The following ZMAT4 variants were observed in gnomAD, a reference collection of about 807,000 sequenced individuals.
ZMAT4 encodes zinc finger matrin-type protein 4.
A neutral mutation model predicts 28.7 loss-of-function variants in ZMAT4; 17 were observed. The observed-to-expected ratio is 0.59, with a 90% CI of 0.41 to 0.89. The LOEUF (loss-of-function observed/expected upper bound fraction) is 0.89, where lower values mean the gene tolerates loss of function less well. ZMAT4 is among the 40% of genes least tolerant of loss of function. ZMAT4 has a pLI of 0.00. For synonymous variants in ZMAT4, 117 were observed against 109.2 expected (o/e 1.07, Z -0.44); for missense variants, 240 against 283.8 (o/e 0.85, Z 1.11).
intron 1 of ZMAT4, among the ~76,000 whole-genome samples, chr8:40,864,226 A>T (rs1817600187): frequency 6.6e-6 from 1 of 152,248 alleles, no homozygotes; most frequent in Non-Finnish European, 1.5e-5. Flanking sequence ...AGCCACGAAA[A>T]TCAGCAGGAA....
chr8:40,568,915 T>C (rs1356693366), intron 6 of ZMAT4, among the ~76,000 whole-genome samples: 1 of 152,192 alleles, frequency 6.6e-6, no homozygotes, highest in African/African-American at 2.4e-5. Flanking sequence ...CACCATATCA[T>C]ATGTTGACGT....
intron 1 of ZMAT4, among the ~76,000 whole-genome samples, chr8:40,861,542 AG>A (rs1817493523): frequency 6.6e-6 from 1 of 152,250 alleles, no homozygotes; most frequent in African/African-American, 2.4e-5. Context: ...AAACACCAAA[AG>A]CAATGGCAAC....
In ZMAT4 at chr8:40,536,342, G is replaced by T. The variant is rs529292588; in HGVS notation, c.675-4104C>A. 2.0e-5 allele frequency among the ~76,000 whole-genome samples: 3 copies of T among 152,180 alleles called. No homozygotes were observed. The East Asian group carries it at 5.8e-4, about 29-fold the overall frequency. On this transcript the variant is annotated intron_variant, in intron 6 of 6. Coordinates refer to ENST00000297737, the MANE Select transcript of ZMAT4 (RefSeq NM_024645.3). ...TCCCCTGCCCCATGTCCTACTCCTG[G>T]TCTGTGGCATTGCACTAGTTTTCTA...
intron 3 of ZMAT4, among the ~76,000 whole-genome samples, chr8:40,708,572 TC>T (rs1680570668): frequency 3.1e-4 from 1 of 3,188 alleles, no homozygotes; most frequent in Non-Finnish European, 6.4e-4. Flanking sequence ...ACACACTCTT[TC>T]TCTCTCTCTC....
chr8:40,736,879 T>A (rs1282078836), intron 3 of ZMAT4, among the ~76,000 whole-genome samples: 4 of 149,730 alleles, frequency 2.7e-5, no homozygotes, highest in Non-Finnish European at 5.9e-5. Context: ...AAAATAGGGG[T>A]AAAAGTGAGA....
At chr8:40,627,430 G>C (rs1379854497) in intron 5 of ZMAT4, among the ~76,000 whole-genome samples, 3 of 152,082 alleles carry the variant, frequency 2.0e-5, no homozygotes, top group Admixed American at 2.0e-4. Flanking sequence ...ATACATATAT[G>C]TGTTCATGTG....
At chr8:40,666,067 T>C (rs907855381) in intron 5 of ZMAT4, among the ~76,000 whole-genome samples, 1 of 152,174 alleles carries the variant, frequency 6.6e-6, no homozygotes, top group African/African-American at 2.4e-5. Flanking sequence ...ATGATAAAGG[T>C]CTGCAAAATG....
chr8:40,751,279 C>T (rs1375381211), intron 3 of ZMAT4, among the ~76,000 whole-genome samples: 1 of 152,100 alleles, frequency 6.6e-6, no homozygotes, highest in Non-Finnish European at 1.5e-5. Context: ...GTTCTACAGG[C>T]TTTACAGGAA....
intron 1 of ZMAT4, among the ~76,000 whole-genome samples, chr8:40,830,306 A>T (rs188438059): frequency 1.8e-4 from 27 of 152,178 alleles, no homozygotes; most frequent in Non-Finnish European, 2.8e-4. Context: ...CCACTAGGTA[A>T]TGGTATAACC....
intron 3 of ZMAT4, among the ~76,000 whole-genome samples, chr8:40,762,097 A>G (rs1812965696): frequency 6.6e-6 from 1 of 152,190 alleles, no homozygotes; most frequent in Non-Finnish European, 1.5e-5. Flanking sequence ...AGACCACTTG[A>G]GAAGACAAGG....
chr8:40,861,008 G>A (rs1234355040), intron 1 of ZMAT4, among the ~76,000 whole-genome samples: 1 of 152,204 alleles, frequency 6.6e-6, no homozygotes, highest in African/African-American at 2.4e-5. Flanking sequence ...AGCCTGTGCT[G>A]ACCACCCCTC....
At chr8:40,762,837 G>T (rs60343283) in intron 3 of ZMAT4, among the ~76,000 whole-genome samples, 24,368 of 152,062 alleles carry the variant, frequency 0.16, 3,108 homozygotes, top group East Asian at 0.6. Flanking sequence ...AACTGCCAGA[G>T]AATAAATGCT....
At chr8:40,615,124 G>C (rs931730691) in intron 5 of ZMAT4, among the ~76,000 whole-genome samples, 14 of 152,130 alleles carry the variant, frequency 9.2e-5, no homozygotes, top group Non-Finnish European at 4.4e-5. Context: ...AGGCCTGGTG[G>C]TGACAAAATC....
chr8:40,571,662 T>C (rs1410363672), intron 6 of ZMAT4, among the ~76,000 whole-genome samples: 4 of 152,116 alleles, frequency 2.6e-5, no homozygotes, highest in Non-Finnish European at 5.9e-5. Context: ...AGAAGAGCTA[T>C]TTTTTACATT....
intron 5 of ZMAT4, among the ~76,000 whole-genome samples, chr8:40,582,025 C>T (rs567426325): frequency 6.6e-6 from 1 of 152,262 alleles, no homozygotes; most frequent in African/African-American, 2.4e-5. Flanking sequence ...AAACATATTC[C>T]TTCAGCTAGT....
intron 6 of ZMAT4, among the ~76,000 whole-genome samples, chr8:40,555,349 G>C (rs1436099240): frequency 1.3e-5 from 2 of 152,080 alleles, no homozygotes; most frequent in African/African-American, 4.8e-5. Context: ...GAGATTTCTA[G>C]ATCATATGGT....
chr8:40,702,711 G>A (rs1248239736), intron 3 of ZMAT4, among the ~76,000 whole-genome samples: 1 of 152,212 alleles, frequency 6.6e-6, no homozygotes, highest in Non-Finnish European at 1.5e-5. Flanking sequence ...AGAGTGAGGA[G>A]TTCGGTGAAA....
intron 1 of ZMAT4, among the ~76,000 whole-genome samples, chr8:40,840,947 C>T (rs1286003797): frequency 2.0e-5 from 3 of 152,162 alleles, no homozygotes; most frequent in Non-Finnish European, 4.4e-5. Context: ...CACAGCCATT[C>T]CTAATGAGAT....
intron 3 of ZMAT4, among the ~76,000 whole-genome samples, chr8:40,747,217 G>A (rs1048889373): frequency 6.6e-6 from 1 of 152,178 alleles, no homozygotes; most frequent in Non-Finnish European, 1.5e-5. Context: ...TTAAATCATG[G>A]TATTGGTTTC....
Sources: allele counts gnomAD v4.1 joint callset (sites outside exome capture counted in the v4.1 genomes callset), GRCh38; gene constraint gnomAD v4.1.1; transcripts MANE v1.5; gene names NCBI Gene and HGNC (gene_info 2026-07-23, HGNC 2026-07-21).